The following NHSL1 variants were observed in gnomAD, a reference collection of about 807,000 sequenced individuals.
The protein encoded by NHSL1 is NHS-like protein 1.
Under a neutral mutation model 95.0 loss-of-function variants are expected in NHSL1, and 48 were observed. The ratio of observed to expected loss-of-function variants is 0.51; its 90% CI spans 0.40 to 0.64. The LOEUF (loss-of-function observed/expected upper bound fraction) is 0.64. Among genes scored for constraint, NHSL1 ranks in the 30% least tolerant of loss-of-function variants. The probability of loss-of-function intolerance (pLI) is 0.00; values close to 1 mark genes in which losing one functional copy is unlikely to be tolerated. For missense variants in NHSL1, 1,971 were observed against 2,077.7 expected, an observed-to-expected ratio of 0.95 and a Z score of 1.00; for synonymous variants, 783 against 833.9, an observed-to-expected ratio of 0.94 and a Z score of 1.05.
At chr6:138,619,324 G>A (rs1209014895) in intron 1 of NHSL1, among the ~76,000 whole-genome samples, 1 of 152,026 alleles carries the variant, frequency 6.6e-6, no homozygotes, top group African/African-American at 2.4e-5. Context: ...GATGACAAGA[G>A]CAAAACTCTG....
chr6:138,561,897 C>A (rs1275890163), intron 1 of NHSL1, among the ~76,000 whole-genome samples: 2 of 152,188 alleles, frequency 1.3e-5, no homozygotes, highest in East Asian at 3.8e-4. Context: ...ATGCAGCCAG[C>A]ACAGTAACGA....
chr6:138,505,876 T>G (rs907889350), intron 1 of NHSL1, among the ~76,000 whole-genome samples: 1 of 152,200 alleles, frequency 6.6e-6, no homozygotes. Flanking sequence ...TTTTACTGAT[T>G]GTTAATTCAT....
rs537392174 is a variant in NHSL1, at chr6:138,674,149, T to C, written c.96+18327A>G. 4.7e-4 allele frequency among the ~76,000 whole-genome samples: 72 copies of C among 152,338 alleles called. 2 individuals are homozygous for C. The South Asian group carries it at 0.014, about 31-fold the overall frequency. On this transcript the variant is annotated intron_variant, in intron 1 of 3. Transcript: ENST00000491526. ...AGCTAAGTAAAAAAAGCAACAAATT[T>C]TTTTTTTCAATTTTTAAAATATATC...
Position 138,692,189 on chromosome 6 carries a change from CACAG to C in NHSL1, c.96+283_96+286del, listed in dbSNP as rs551686439. 103 of 456,724 alleles carry C rather than the reference CACAG, an allele frequency of 2.3e-4. No individual in the cohort carries two copies. The highest frequency in any genetic ancestry group is 3.6e-4 in the Non-Finnish European group (81 of 226,960). The allele number at this position is 456,724 out of a possible 1,614,324, so 28.3% of individuals were successfully genotyped here. On this transcript the variant is annotated intron_variant, in intron 1 of 3. Transcript: ENST00000491526. This position sits in a 1 kb window ranked among gnomAD's most constrained non-coding sequence, Gnocchi z 4.0. ...CCCCGGGGTCTCCCAAACAGACAGA[CACAG>C]ACAGACAGAAGGAGCAGACAAGGGG... is the stretch of plus-strand genomic sequence containing the variant.
chr6:138,552,143 G>A (rs1478667341), intron 1 of NHSL1, among the ~76,000 whole-genome samples: 2 of 152,162 alleles, frequency 1.3e-5, no homozygotes, highest in African/African-American at 4.8e-5. Context: ...TCCTGGGGCC[G>A]GGCATGGTGG....
At chr6:138,650,481 AGGC>A in intron 1 of NHSL1, 3 of 869,028 alleles carry the variant, frequency 3.5e-6, no homozygotes, top group Non-Finnish European at 3.8e-6. Context: ...GGCCTGGTGG[AGGC>A]TGTCATCCAC....
chr6:138,434,188 G>GA (rs1163213644), intron 5 of NHSL1, among the ~76,000 whole-genome samples: 4 of 152,094 alleles, frequency 2.6e-5, no homozygotes, highest in Non-Finnish European at 1.5e-5. Flanking sequence ...ATGTCAGAAG[G>GA]AAATTCTAAG....
intron 1 of NHSL1, among the ~76,000 whole-genome samples, chr6:138,565,732 C>T: frequency 6.7e-6 from 1 of 149,826 alleles, no homozygotes; most frequent in East Asian, 1.9e-4. Context: ...CAAGATCAGC[C>T]TGAGCAAAAG....
chr6:138,432,316 G>A lies in NHSL1; in HGVS notation c.2029C>T (p.Arg677Trp). 8 of 1,551,704 alleles carry A rather than the reference G, an allele frequency of 5.2e-6. No individual in the cohort carries two copies. The highest frequency in any genetic ancestry group is 2.4e-5 in the East Asian group (1 of 40,914). ...KAKKPPLPPS[R>W]TDSLRRIPKK... ...GGAATCCTGCGGAGGGAGTCTGTCC[G>A]GGAGGGTGGCAGGGGAGGCTTCTTT... is the stretch of plus-strand genomic sequence containing the variant. Residue 677 changes from arginine to tryptophan, a missense_variant, in exon 6 of 8, where the codon CGG becomes TGG. This residue lies in a region of NHSL1 where 1,602 missense variants were observed against 1,654.5 expected (regional missense o/e 0.97). Coordinates refer to ENST00000343505, the MANE Select transcript of NHSL1 (RefSeq NM_001144060.2). The surrounding 1 kb of genome is among the most constrained non-coding windows in gnomAD (Gnocchi z 4.4).
intron 1 of NHSL1, among the ~76,000 whole-genome samples, chr6:138,581,655 G>T (rs1156970255): frequency 1.5e-5 from 2 of 135,130 alleles, no homozygotes; most frequent in African/African-American, 2.9e-5. Flanking sequence ...TCATGCCACC[G>T]TACTCTGGCC....
intron 1 of NHSL1, among the ~76,000 whole-genome samples, chr6:138,610,955 G>T (rs950365368): frequency 1.3e-5 from 2 of 152,108 alleles, no homozygotes; most frequent in African/African-American, 4.8e-5. Flanking sequence ...GCGCATGCCT[G>T]TAATTCCAGC....
chr6:138,454,496 T>TTCCC (rs1237064985), intron 3 of NHSL1, among the ~76,000 whole-genome samples: 1 of 137,862 alleles, frequency 7.3e-6, no homozygotes, highest in African/African-American at 3.6e-5. Context: ...CCCCATACAG[T>TTCCC]CATTACTGGG....
chr6:138,581,692 CAAA>C (rs1163761095), intron 1 of NHSL1, among the ~76,000 whole-genome samples: 7,912 of 67,114 alleles, frequency 0.12, 202 homozygotes, highest in Middle Eastern at 0.21. Flanking sequence ...ACTCCGTCTC[CAAA>C]AAAAAAAAAA....
chr6:138,468,590 T>G (rs2128242379), intron 3 of NHSL1, among the ~76,000 whole-genome samples: 1 of 152,320 alleles, frequency 6.6e-6, no homozygotes, highest in East Asian at 1.9e-4. Flanking sequence ...AACTAATGTC[T>G]GATGATCTGA....
chr6:138,581,782 A>G (rs191672149), intron 1 of NHSL1, among the ~76,000 whole-genome samples: 68 of 151,436 alleles, frequency 4.5e-4, no homozygotes, highest in Admixed American at 2.0e-3. Context: ...AGGCAGTGAC[A>G]CTGGGTTGGT....
In NHSL1 at chr6:138,432,718, C is replaced by G. The variant is rs1419195141; in HGVS notation, c.1627G>C (p.Gly543Arg). 1.3e-6 allele frequency: 2 copies of G among 1,551,650 alleles called. No individual in the cohort carries two copies. Among genetic ancestry groups the G allele is most frequent in the Admixed American group, 3.9e-5 (2 of 50,998 alleles). Reference protein sequence around the residue: ...VDGKSESSYSGGGGHSSSEPW... With the variant: ...VDGKSESSYSRGGGHSSSEPW... Reference sequence around the variant, plus strand: ...TCCGAGCTGCTGTGCCCTCCGCCCCCTGAATAACTAGATTCACTCTTGCCA... The same window carrying G: ...TCCGAGCTGCTGTGCCCTCCGCCCCGTGAATAACTAGATTCACTCTTGCCA... The change falls in exon 6 of 8, where the codon GGG (glycine) becomes CGG (arginine). Residue 543 changes from glycine to arginine, a missense_variant. This residue lies in a region of NHSL1 where 1,602 missense variants were observed against 1,654.5 expected (regional missense o/e 0.97). Transcript: ENST00000343505. The surrounding 1 kb of genome is among the most constrained non-coding windows in gnomAD (Gnocchi z 4.4).
intron 1 of NHSL1, among the ~76,000 whole-genome samples, chr6:138,599,826 G>A (rs1360345601): frequency 6.6e-6 from 1 of 152,094 alleles, no homozygotes; most frequent in East Asian, 1.9e-4. Context: ...AGGATACAAG[G>A]AAGAATGAAG....
intron 1 of NHSL1, among the ~76,000 whole-genome samples, chr6:138,511,978 G>A (rs1368347645): frequency 2.6e-5 from 4 of 152,130 alleles, no homozygotes; most frequent in East Asian, 1.9e-4. Context: ...CAAACTTCTC[G>A]AAAATTGCAT....
At chr6:138,436,957 A>T (rs1285145843) in intron 5 of NHSL1, among the ~76,000 whole-genome samples, 1 of 152,198 alleles carries the variant, frequency 6.6e-6, no homozygotes, top group Non-Finnish European at 1.5e-5. Context: ...TGCTCAGAAA[A>T]AAAAAGATTT....
Sources: gnomAD v4.1 joint callset for allele counts (sites outside exome capture counted in the v4.1 genomes callset) on GRCh38, gnomAD v4.1.1 for gene constraint, gnomAD v4.1.1 regional missense constraint, Gnocchi (gnomAD v3.1) non-coding constraint, MANE v1.5 for transcripts, NCBI Gene and HGNC (gene_info 2026-07-23, HGNC 2026-07-21) for gene names.